Variants in FBN3 observed in about 807,000 individuals in gnomAD.
FBN3 encodes fibrillin-3.
In FBN3, 234 loss-of-function variants were observed where a neutral mutation model predicts 330.1. The observed-to-expected ratio is 0.71, with a 90% CI of 0.64 to 0.79. The LOEUF (loss-of-function observed/expected upper bound fraction) is 0.79. Ranked by LOEUF, FBN3 falls within the 30% of genes least tolerant of loss-of-function variation. FBN3 has a pLI of 0.00. For synonymous variants in FBN3, 1,458 were observed against 1,517.3 expected, an observed-to-expected ratio of 0.96 and a Z score of 0.91; for missense variants, 3,606 against 3,886.9, an observed-to-expected ratio of 0.93 and a Z score of 1.92.
At position 8,083,326 on chromosome 19, in the gene FBN3, C is replaced by T. The variant is rs138737465; in HGVS notation, c.7134G>A (p.Glu2378=). The T allele has an allele frequency of 5.6e-5, 90 of 1,614,152 alleles. No individual in the cohort carries two copies. Among genetic ancestry groups the T allele is most frequent in the South Asian group, 8.8e-5 (8 of 91,092 alleles). ...RMLAHLCAHG[E]CINSLGSFRC... is the part of the protein sequence containing the mutation. ...GGAAGGAGCCAAGGCTGTTGATGCA[C>T]TCCCCATGAGCACACAGGTGAGCAA... The change falls in exon 57 of 64, where the codon GAG becomes GAA. Residue 2378 remains glutamate (E), a synonymous_variant. Coordinates refer to ENST00000600128, the MANE Select transcript of FBN3 (RefSeq NM_032447.5).
intron 53 of FBN3, among the ~76,000 whole-genome samples, chr19:8,087,598 ATTTTTT>A (rs35631767): frequency 4.0e-5 from 3 of 75,454 alleles, no homozygotes; most frequent in Non-Finnish European, 4.8e-5. Context: ...GCATTGCAGG[ATTTTTT>A]TTTTTTTTTT....
intron 8 of FBN3, among the ~76,000 whole-genome samples, chr19:8,141,182 G>A (rs1366495533): frequency 1.4e-4 from 17 of 125,582 alleles, no homozygotes; most frequent in African/African-American, 4.5e-4. Flanking sequence ...GCGACAGAGC[G>A]AGACTCCGTC....
intron 63 of FBN3, among the ~76,000 whole-genome samples, chr19:8,070,361 C>T (rs941700598): frequency 1.3e-5 from 2 of 152,136 alleles, no homozygotes; most frequent in Admixed American, 6.6e-5. Context: ...TTTAGAATAT[C>T]AGCCTCACGA....
rs776231221 is a variant in FBN3, at chr19:8,117,266, A to C, written c.3489T>G (p.Asn1163Lys). 4.6e-5 allele frequency: 70 copies of C among 1,514,388 alleles called. No homozygotes were observed. Among genetic ancestry groups the C allele is most frequent in the Non-Finnish European group, 5.8e-5 (65 of 1,118,236 alleles). 93.8% of individuals were successfully genotyped at this position (1,514,388 alleles called of 1,614,324 possible). A position where few individuals can be genotyped will look rare whatever the true frequency, so the allele number is the denominator to read the frequency against. The part of the protein sequence containing the change: ...CVDINECRVQ[N>K]GGCDVHCINT... Reference sequence around the variant, plus strand: ...TAATACAGTGCACGTCACACCCACCATTCTGGACCCGGCATTCGTTGATGT... The same window carrying C: ...TAATACAGTGCACGTCACACCCACCCTTCTGGACCCGGCATTCGTTGATGT... The change falls in exon 28 of 64, where the codon AAT (asparagine) becomes AAG (lysine). Residue 1163 changes from asparagine (N) to lysine (K), a missense_variant. Transcript: ENST00000600128.
chr19:8,095,975 C>T lies in FBN3; in HGVS notation c.5645G>A (p.Gly1882Glu). The change falls in exon 45 of 64, where the codon GGG (glycine) becomes GAG (glutamate). Residue 1882 changes from glycine to glutamate, a missense_variant. By Grantham distance (98) the Gly-to-Glu change is moderately conservative (BLOSUM62 -2). Transcript: ENST00000600128. ...CFPGFVVTHN[G>E]DCVDFDECTT... Reference sequence around the variant, plus strand: ...CTGAGCCGACTCACCCACACAATCCCCATTGTGTGTCACCACAAAGCCAGG... The same window carrying T: ...CTGAGCCGACTCACCCACACAATCCTCATTGTGTGTCACCACAAAGCCAGG... 6.2e-7 allele frequency: 1 copy of T among 1,607,758 alleles called. No homozygotes were observed. Among genetic ancestry groups the T allele is most frequent in the Non-Finnish European group, 8.5e-7 (1 of 1,174,212 alleles).
Position 8,106,156 on chromosome 19 carries a change from C to T in FBN3, c.4765G>A (p.Glu1589Lys), listed in dbSNP as rs2082433875. Reference sequence around the variant, plus strand: ...CTGAGGTGGTAGCCAGGTGGGCACTCACACTGGAAACTGCCAAACGTGTTG... The same window carrying T: ...CTGAGGTGGTAGCCAGGTGGGCACTTACACTGGAAACTGCCAAACGTGTTG... ...CVNTFGSFQC[E>K]CPPGYHLSEH... Residue 1589 changes from glutamate to lysine, a missense_variant, in exon 38 of 64, where the codon GAG becomes AAG. By Grantham distance (56) the Glu-to-Lys change is moderately conservative. Coordinates refer to ENST00000600128, the MANE Select transcript of FBN3 (RefSeq NM_032447.5). 6.2e-7 allele frequency: 1 copy of T among 1,614,194 alleles called. No homozygotes were observed. The highest frequency in any genetic ancestry group is 8.5e-7 in the Non-Finnish European group (1 of 1,180,026).
At chr19:8,105,764 G>C (rs2082424290) in intron 38 of FBN3, among the ~76,000 whole-genome samples, 1 of 152,114 alleles carries the variant, frequency 6.6e-6, no homozygotes, top group Non-Finnish European at 1.5e-5. Flanking sequence ...CTATTGAGCT[G>C]GCAAAACAGA....
intron 38 of FBN3, 101 bp downstream of exon 38, chr19:8,106,007 C>G: frequency 7.0e-7 from 1 of 1,427,354 alleles, no homozygotes; most frequent in Non-Finnish European, 9.6e-7. Flanking sequence ...GAAGCCTTTC[C>G]ATGAGGCCTT....
intron 13 of FBN3, 25 bp downstream of exon 13, chr19:8,135,936 G>GGGGGGGGGGGGGGGGGGGCGGGCCC: frequency 1.5e-6 from 1 of 668,778 alleles, no homozygotes. Context: ...GGAAGCCCCT[G>GGGGGGGGGGGGGGGGGGGCGGGCCC]CCCACCCGCC....
In FBN3 at chr19:8,080,470, C is replaced by T. The variant is rs905765591; in HGVS notation, c.7453+533G>A. Among the ~76,000 whole-genome samples, 7 of 152,118 alleles carry T rather than the reference C, an allele frequency of 4.6e-5. No homozygotes were observed. The East Asian group carries it at 1.3e-3, about 29-fold the overall frequency. On this transcript the variant is annotated intron_variant, in intron 59 of 63. Transcript: ENST00000600128. ...CAGCAGGGACTTGTCAGGGGGAAGG[C>T]AAGATGCCATAAGCCAAGGCGAGAG...
chr19:8,123,582 A>G lies in FBN3; in HGVS notation c.2964T>C (p.Asn988=). 6.2e-7 allele frequency: 1 copy of G among 1,614,170 alleles called. No individual in the cohort carries two copies. Among genetic ancestry groups the G allele is most frequent in the Non-Finnish European group, 8.5e-7 (1 of 1,180,014 alleles). The change falls in exon 24 of 64, where the codon AAT becomes AAC. Residue 988 remains asparagine, a synonymous_variant. Coordinates refer to ENST00000600128, the MANE Select transcript of FBN3 (RefSeq NM_032447.5). ...LSGRPFYKDV[N]ECKVFPGLCT... ...AGAGGCCAGGGAACACCTTGCATTC[A>G]TTCACATCTGAAGTACAGGGGCATC...
chr19:8,106,713 G>A (rs2082445865), intron 37 of FBN3, among the ~76,000 whole-genome samples: 1 of 147,098 alleles, frequency 6.8e-6, no homozygotes, highest in Admixed American at 6.9e-5. Context: ...AGGCAAATGA[G>A]TGAATGGGTG....
At chr19:8,114,222 GA>G (rs2082657200) in intron 30 of FBN3, among the ~76,000 whole-genome samples, 1 of 150,116 alleles carries the variant, frequency 6.7e-6, no homozygotes, top group Non-Finnish European at 1.5e-5. Context: ...TATTATTCTA[GA>G]AGGAGAATCA....
At chr19:8,139,625 AAGG>A (rs1162980472) in intron 8 of FBN3, among the ~76,000 whole-genome samples, 3 of 151,712 alleles carry the variant, frequency 2.0e-5, no homozygotes, top group African/African-American at 7.3e-5. Context: ...GAGGGGCCCC[AAGG>A]AGTCGAGGGG....
Position 8,111,653 on chromosome 19 carries a change from CAGA to C in FBN3, c.4076_4078del (p.Phe1359del), listed in dbSNP as rs987580340. On this transcript the variant is annotated inframe_deletion, in exon 32 of 64. Transcript: ENST00000600128. ...TCCCACCCCTCTAATCTCACCTTCG[CAGA>C]AGAAGCCATCCCCGGCAAAGCCCTG... 4 of 1,604,970 alleles carry C rather than the reference CAGA, an allele frequency of 2.5e-6. No individual in the cohort carries two copies. The highest frequency in any genetic ancestry group is 1.3e-5 in the African/African-American group (1 of 74,526).
Position 8,109,703 on chromosome 19 carries a change from T to C in FBN3, c.4384A>G (p.Asn1462Asp). 6.4e-7 allele frequency: 1 copy of C among 1,554,180 alleles called. No individual in the cohort carries two copies. ...PVNCINGVCI[N>D]TPGSYLCSCP... ...CTGCAGAGGTAGCTGCCGGGGGTGT[T>C]AATGCACACGCCGTTGATGCAGTTT... Residue 1462 changes from asparagine to aspartate, a missense_variant, in exon 35 of 64, where the codon AAC becomes GAC. Transcript: ENST00000600128. The surrounding 1 kb of genome is among the most constrained non-coding windows in gnomAD (Gnocchi z 5.2).
chr19:8,094,122 C>T (rs185042946), intron 47 of FBN3, among the ~76,000 whole-genome samples: 3 of 152,152 alleles, frequency 2.0e-5, no homozygotes, highest in South Asian at 2.1e-4. Flanking sequence ...GTGATTACAC[C>T]GGTGAAGCTT....
In FBN3 at chr19:8,136,071, A is replaced by G. The variant is rs149283869; in HGVS notation, c.1481T>C (p.Ile494Thr). 3.2e-5 allele frequency: 51 copies of G among 1,613,922 alleles called. No homozygotes were observed. The highest frequency in any genetic ancestry group is 4.3e-5 in the Non-Finnish European group (51 of 1,179,990). Residue 494 changes from isoleucine (I) to threonine (T), a missense_variant, in exon 13 of 64, where the codon ATT becomes ACT. Transcript: ENST00000600128. ...CAGGTGACAAAGGCCACCACTGACA[A>G]TGCACTCGTCCACATCTGCGGGGAA... ...RQACVDVDEC[I>T]VSGGLCHLGR...
At chr19:8,106,313 T>C in intron 37 of FBN3, 80 bp from the exon 38 acceptor site, 1 of 1,502,296 alleles carries the variant, frequency 6.7e-7, no homozygotes, top group East Asian at 2.3e-5. Context: ...ATGCTCTGGG[T>C]TCTCCAGGGC....
Sources: allele counts gnomAD v4.1 joint callset (sites outside exome capture counted in the v4.1 genomes callset), GRCh38; gene constraint gnomAD v4.1.1; non-coding constraint Gnocchi (gnomAD v3.1); transcripts MANE v1.5; gene names NCBI Gene and HGNC (gene_info 2026-07-23, HGNC 2026-07-21).